RERE: variants seen among roughly 807,000 people sequenced by gnomAD.
The protein encoded by RERE is arginine-glutamic acid dipeptide repeats.
RERE carries 40 observed loss-of-function variants against 146.1 expected under a neutral mutation model. The ratio of observed to expected loss-of-function variants is 0.27; its 90% CI spans 0.21 to 0.36. The LOEUF is 0.36. Ranked by LOEUF, RERE falls within the 10% of genes least tolerant of loss-of-function variation. The pLI, the probability that RERE is intolerant of heterozygous loss-of-function variation, is 1.00. For missense variants in RERE, 1,933 were observed against 2,138.7 expected (o/e 0.90, Z 1.90); for synonymous variants, 1,003 against 866.0 (o/e 1.16, Z -2.78).
Position 8,519,375 on chromosome 1 carries a change from G to A in RERE, c.831-10700C>T, listed in dbSNP as rs1645461671. 1.3e-5 allele frequency among the ~76,000 whole-genome samples: 2 copies of A among 152,182 alleles called. 1 individual carries two copies. Among genetic ancestry groups the A allele is most frequent in the Admixed American group, 1.3e-4 (2 of 15,280 alleles). ...TGAGCCCAGGAGTTTTGAGGTTGCAGTGAGCTATGATCACACCACTGCACT... is the reference window on the plus strand; with the variant it reads ...TGAGCCCAGGAGTTTTGAGGTTGCAATGAGCTATGATCACACCACTGCACT... On this transcript the variant is annotated intron_variant, in intron 7 of 22. Coordinates refer to ENST00000400908, the MANE Select transcript of RERE (RefSeq NM_001042681.2).
intron 6 of RERE, among the ~76,000 whole-genome samples, chr1:8,545,997 T>TTTTTTTTTTTTTA (rs1645856431): frequency 7.1e-6 from 1 of 140,436 alleles, no homozygotes; most frequent in African/African-American, 2.7e-5. Context: ...TTTTTTTTTT[T>TTTTTTTTTTTTTA]TTTTTTTTTT....
chr1:8,741,497 G>A (rs1226788327), intron 1 of RERE, among the ~76,000 whole-genome samples: 1 of 152,174 alleles, frequency 6.6e-6, no homozygotes, highest in Non-Finnish European at 1.5e-5. Flanking sequence ...CTGAATCGTG[G>A]AGCCGGTTTC....
intron 2 of RERE, among the ~76,000 whole-genome samples, chr1:8,639,164 A>G (rs998439857): frequency 6.6e-6 from 1 of 152,206 alleles, no homozygotes; most frequent in Non-Finnish European, 1.5e-5. Flanking sequence ...GAGAGAACAT[A>G]AAAATGGACC....
At chr1:8,752,320 C>A (rs1640553668) in intron 1 of RERE, among the ~76,000 whole-genome samples, 1 of 151,934 alleles carries the variant, frequency 6.6e-6, no homozygotes, top group Non-Finnish European at 1.5e-5. Context: ...GTTTCATATT[C>A]TTGTACTAAA....
intron 1 of RERE, among the ~76,000 whole-genome samples, chr1:8,786,023 T>C (rs910215647): frequency 1.3e-5 from 2 of 152,122 alleles, no homozygotes; most frequent in African/African-American, 4.8e-5. Context: ...CCTCCACGAC[T>C]ACCACACTAA....
chr1:8,525,963 C>T, intron 7 of RERE: 3 of 1,349,730 alleles, frequency 2.2e-6, no homozygotes, highest in Non-Finnish European at 2.8e-6. Flanking sequence ...CAGAAACTTC[C>T]CCTCACTCTG....
chr1:8,719,728 TA>T (rs1176122964), intron 1 of RERE, among the ~76,000 whole-genome samples: 2 of 152,172 alleles, frequency 1.3e-5, no homozygotes, highest in Non-Finnish European at 2.9e-5. Flanking sequence ...GTTAATGGGT[TA>T]AAAACTGTCA....
intron 1 of RERE, among the ~76,000 whole-genome samples, chr1:8,690,240 G>A (rs1281849186): frequency 1.3e-5 from 2 of 152,280 alleles, no homozygotes; most frequent in South Asian, 2.1e-4. Flanking sequence ...TTCTGGGGCT[G>A]TGTCCTTACA....
At chr1:8,429,081 T>A (rs1557627898) in intron 11 of RERE, among the ~76,000 whole-genome samples, 1 of 152,086 alleles carries the variant, frequency 6.6e-6, no homozygotes, top group Non-Finnish European at 1.5e-5. Flanking sequence ...CCTAGAACAA[T>A]AAAAATGGTG....
At chr1:8,698,905 A>C (rs968325915) in intron 1 of RERE, among the ~76,000 whole-genome samples, 36 of 152,112 alleles carry the variant, frequency 2.4e-4, no homozygotes, top group Admixed American at 6.6e-4. Context: ...ATACTCTAAA[A>C]TTAAATGTTT....
At chr1:8,710,067 C>T (rs974879345) in intron 1 of RERE, among the ~76,000 whole-genome samples, 2 of 152,216 alleles carry the variant, frequency 1.3e-5, no homozygotes, top group Admixed American at 1.3e-4. Flanking sequence ...TCACATTCGG[C>T]CATCTCACAT....
At chr1:8,474,396 C>G (rs915457548) in intron 10 of RERE, among the ~76,000 whole-genome samples, 1 of 152,122 alleles carries the variant, frequency 6.6e-6, no homozygotes, top group Admixed American at 6.5e-5. Context: ...AGGATGAGGC[C>G]TTAATTTTTA....
chr1:8,620,401 C>G (rs570435184), intron 3 of RERE, among the ~76,000 whole-genome samples: 3 of 152,324 alleles, frequency 2.0e-5, no homozygotes, highest in Admixed American at 6.5e-5. Context: ...CCTACCCTAG[C>G]AAGTGAGCTT....
intron 1 of RERE, among the ~76,000 whole-genome samples, chr1:8,682,618 T>C (rs768214424): frequency 2.0e-5 from 3 of 152,210 alleles, no homozygotes; most frequent in Non-Finnish European, 4.4e-5. Flanking sequence ...AGCCTTCCAA[T>C]GTATAGGTGG....
At chr1:8,462,514 G>C (rs1644540030) in intron 11 of RERE, among the ~76,000 whole-genome samples, 1 of 152,260 alleles carries the variant, frequency 6.6e-6, no homozygotes, top group Admixed American at 6.5e-5. Context: ...TGAGAGGTTA[G>C]TTTCTTCATA....
At chr1:8,732,879 T>C (rs1640119901) in intron 1 of RERE, among the ~76,000 whole-genome samples, 1 of 128,318 alleles carries the variant, frequency 7.8e-6, no homozygotes, top group Admixed American at 9.8e-5. Context: ...TGGAGTGCAG[T>C]GGCGCTATCT....
At chr1:8,706,096 G>A (rs889550331) in intron 1 of RERE, among the ~76,000 whole-genome samples, 2 of 115,682 alleles carry the variant, frequency 1.7e-5, no homozygotes, top group South Asian at 5.7e-4. Flanking sequence ...CTGGGTGACA[G>A]AGCAAGACTC....
chr1:8,768,315 T>C (rs1315094059), intron 1 of RERE, among the ~76,000 whole-genome samples: 1 of 152,202 alleles, frequency 6.6e-6, no homozygotes, highest in Non-Finnish European at 1.5e-5. Context: ...AAACATTCTT[T>C]CCAGGAAAGT....
chr1:8,530,674 G>A (rs1030439810), intron 7 of RERE, among the ~76,000 whole-genome samples: 4 of 116,956 alleles, frequency 3.4e-5, no homozygotes, highest in African/African-American at 9.6e-5. Context: ...CTGAGTTTTC[G>A]TTTTCTTTTT....
Sources: allele counts gnomAD v4.1 joint callset (sites outside exome capture counted in the v4.1 genomes callset), GRCh38; gene constraint gnomAD v4.1.1; transcripts MANE v1.5; gene names NCBI Gene and HGNC (gene_info 2026-07-23, HGNC 2026-07-21).